ADGRB3: variants seen among roughly 807,000 people sequenced by gnomAD.
ADGRB3 encodes brain-specific angiogenesis inhibitor 3.
ADGRB3 carries 37 observed loss-of-function variants against 193.4 expected under a neutral mutation model. The observed-to-expected ratio is 0.19, with a 90% CI of 0.15 to 0.25. The LOEUF (loss-of-function observed/expected upper bound fraction) is 0.25. ADGRB3 is among the 10% of genes least tolerant of loss of function. The pLI is 1.00. For synonymous variants in ADGRB3, 690 were observed against 644.2 expected, an observed-to-expected ratio of 1.07 and a Z score of -1.08; for missense variants, 1,637 against 1,852.9, an observed-to-expected ratio of 0.88 and a Z score of 2.14.
intron 3 of ADGRB3, among the ~76,000 whole-genome samples, chr6:68,800,499 T>C (rs1767290806): frequency 6.6e-6 from 1 of 151,926 alleles, no homozygotes; most frequent in Non-Finnish European, 1.5e-5. Flanking sequence ...AGACATAAGA[T>C]GGAGAAGGAG....
At chr6:69,139,083 C>CT (rs1251668559) in intron 17 of ADGRB3, among the ~76,000 whole-genome samples, 1 of 152,198 alleles carries the variant, frequency 6.6e-6, no homozygotes, top group African/African-American at 2.4e-5. Context: ...TTGTTCAACT[C>CT]TATTTTCATA....
intron 17 of ADGRB3, among the ~76,000 whole-genome samples, chr6:69,107,593 A>C (rs1400365573): frequency 6.6e-6 from 1 of 152,222 alleles, no homozygotes; most frequent in Admixed American, 6.5e-5. Flanking sequence ...TGAGTTAAAA[A>C]GTGGTAACCA....
At chr6:68,695,271 C>A (rs1379383664) in intron 3 of ADGRB3, among the ~76,000 whole-genome samples, 1 of 151,922 alleles carries the variant, frequency 6.6e-6, no homozygotes, top group Non-Finnish European at 1.5e-5. Flanking sequence ...ATCATCCAGT[C>A]CTGAAATCAT....
intron 20 of ADGRB3, among the ~76,000 whole-genome samples, chr6:69,297,330 T>A (rs1767843149): frequency 7.6e-6 from 1 of 130,802 alleles, no homozygotes; most frequent in African/African-American, 3.0e-5. Flanking sequence ...TTAAGGACAC[T>A]TCTACTGATA....
At chr6:68,815,140 C>A (rs1767604270) in intron 3 of ADGRB3, among the ~76,000 whole-genome samples, 1 of 152,110 alleles carries the variant, frequency 6.6e-6, no homozygotes. Flanking sequence ...CTGGCCAGGG[C>A]AATCAGGCAG....
intron 26 of ADGRB3, 127 bp from the exon 27 acceptor site, chr6:69,354,106 A>G: frequency 1.7e-6 from 1 of 575,748 alleles, no homozygotes; most frequent in East Asian, 2.7e-5. Context: ...TTTAAAAAGA[A>G]GTAAACAAAA....
chr6:69,185,200 T>G (rs1460361624), intron 17 of ADGRB3, among the ~76,000 whole-genome samples: 2 of 152,152 alleles, frequency 1.3e-5, no homozygotes, highest in African/African-American at 4.8e-5. Flanking sequence ...AAACCTATAC[T>G]AGTACTGTAC....
At chr6:69,028,383 C>G (rs911343604) in intron 13 of ADGRB3, among the ~76,000 whole-genome samples, 1 of 151,982 alleles carries the variant, frequency 6.6e-6, no homozygotes, top group Non-Finnish European at 1.5e-5. Flanking sequence ...AATAAGAATA[C>G]CATAGAAGTT....
intron 3 of ADGRB3, among the ~76,000 whole-genome samples, chr6:68,715,102 G>A (rs560737664): frequency 2.0e-4 from 30 of 151,832 alleles, no homozygotes; most frequent in African/African-American, 7.0e-4. Context: ...TTCTTTCATG[G>A]CAGAGGGCAG....
chr6:68,860,897 A>T (rs558880223), intron 3 of ADGRB3, among the ~76,000 whole-genome samples: 1 of 152,090 alleles, frequency 6.6e-6, no homozygotes, highest in East Asian at 1.9e-4. Flanking sequence ...AGAGCAGTGG[A>T]TATTATTGGG....
intron 17 of ADGRB3, among the ~76,000 whole-genome samples, chr6:69,113,226 ACATATGTAT>A (rs1197374483): frequency 1.3e-5 from 2 of 152,052 alleles, no homozygotes; most frequent in African/African-American, 4.8e-5. Context: ...TGTACAATAT[ACATATGTAT>A]CACACATATT....
chr6:69,052,133 C>A (rs1463273816), intron 15 of ADGRB3, among the ~76,000 whole-genome samples: 1 of 152,092 alleles, frequency 6.6e-6, no homozygotes, highest in Non-Finnish European at 1.5e-5. Flanking sequence ...CGTGATCTGC[C>A]CGCCTCGGCC....
At chr6:68,909,430 T>TTTA (rs1766637971) in intron 3 of ADGRB3, among the ~76,000 whole-genome samples, 1 of 152,198 alleles carries the variant, frequency 6.6e-6, no homozygotes, top group Non-Finnish European at 1.5e-5. Context: ...ACACTATTAC[T>TTTA]TTATCTTCTA....
chr6:69,055,919 C>A (rs1237343222), intron 15 of ADGRB3, among the ~76,000 whole-genome samples: 1 of 152,058 alleles, frequency 6.6e-6, no homozygotes, highest in Non-Finnish European at 1.5e-5. Flanking sequence ...CAACCTCTAC[C>A]TCTCCAGTTC....
At position 68,978,145 on chromosome 6, in the gene ADGRB3, T is replaced by C. The variant is rs1768800936; in HGVS notation, c.1734+2805T>C. On this transcript the variant is annotated intron_variant, in intron 10 of 31. Transcript: ENST00000370598. ...GGAATAATCATACATTGTGAAAGAGTTGTGTAACAATGGGCATTAATATTT... is the reference window on the plus strand; with the variant it reads ...GGAATAATCATACATTGTGAAAGAGCTGTGTAACAATGGGCATTAATATTT... Among the ~76,000 whole-genome samples, 4 of 151,418 alleles carry C rather than the reference T, an allele frequency of 2.6e-5. No individual in the cohort carries two copies. The South Asian group carries it at 8.3e-4, about 32-fold the overall frequency.
intron 17 of ADGRB3, among the ~76,000 whole-genome samples, chr6:69,154,097 C>A (rs907610048): frequency 3.9e-5 from 6 of 152,290 alleles, no homozygotes. Flanking sequence ...AACCACACTT[C>A]AAAACTGGTA....
intron 3 of ADGRB3, among the ~76,000 whole-genome samples, chr6:68,808,689 T>G (rs942755895): frequency 6.6e-6 from 1 of 151,982 alleles, no homozygotes; most frequent in Non-Finnish European, 1.5e-5. Flanking sequence ...ACATTCTGTA[T>G]ATATTCAATG....
intron 3 of ADGRB3, among the ~76,000 whole-genome samples, chr6:68,886,447 A>G (rs1765910156): frequency 6.6e-6 from 1 of 152,150 alleles, no homozygotes; most frequent in Non-Finnish European, 1.5e-5. Flanking sequence ...GTAGAAAATT[A>G]GCAGAAATAT....
At chr6:69,180,710 C>T (rs970725646) in intron 17 of ADGRB3, among the ~76,000 whole-genome samples, 1 of 152,172 alleles carries the variant, frequency 6.6e-6, no homozygotes, top group Non-Finnish European at 1.5e-5. Flanking sequence ...CTCAGGCCTG[C>T]AATGGGGAGA....
Sources: gnomAD v4.1 joint callset for allele counts (sites outside exome capture counted in the v4.1 genomes callset) on GRCh38, gnomAD v4.1.1 for gene constraint, MANE v1.5 for transcripts, NCBI Gene and HGNC (gene_info 2026-07-23, HGNC 2026-07-21) for gene names.